Variants in TK2 observed in about 807,000 individuals in gnomAD.
The protein encoded by TK2 is thymidine kinase 2, mitochondrial.
A neutral mutation model predicts 41.9 loss-of-function variants in TK2; 35 were observed. The ratio of observed to expected loss-of-function variants is 0.84; its 90% CI spans 0.64 to 1.11. TK2 has a LOEUF of 1.11. Ranked by LOEUF, TK2 falls within the 50% of genes least tolerant of loss-of-function variation. TK2 has a pLI of 0.00. For missense variants in TK2, 320 were observed against 351.1 expected (o/e 0.91, Z 0.71); for synonymous variants, 128 against 129.1 (o/e 0.99, Z 0.06).
chr16:66,545,653 G>A (rs1030863600), intron 2 of TK2, among the ~76,000 whole-genome samples: 4 of 152,022 alleles, frequency 2.6e-5, no homozygotes, highest in African/African-American at 7.2e-5. Context: ...GTGAAACCCC[G>A]ACTCTACTAA....
chr16:66,520,617 G>A (rs1964752718), intron 6 of TK2, among the ~76,000 whole-genome samples: 1 of 152,226 alleles, frequency 6.6e-6, no homozygotes, highest in African/African-American at 2.4e-5. Flanking sequence ...ACCAGCGAGT[G>A]AGAAGCCCAA....
intron 6 of TK2, among the ~76,000 whole-genome samples, chr16:66,521,246 G>A (rs1964770877): frequency 6.6e-6 from 1 of 152,220 alleles, no homozygotes; most frequent in Admixed American, 6.5e-5. Context: ...TCTGCACATG[G>A]AGACATGGGG....
chr16:66,521,869 A>T (rs1244966219), intron 6 of TK2, among the ~76,000 whole-genome samples: 1 of 152,192 alleles, frequency 6.6e-6, no homozygotes. Context: ...GGGCAAAACC[A>T]AGGTCTTGAT....
In TK2 at chr16:66,508,908, TCA is replaced by T. The variant is rs1280146670; in HGVS notation, c.*3058_*3059del. On this transcript the variant is annotated 3_prime_UTR_variant, in exon 10 of 10. Coordinates refer to ENST00000544898, the MANE Select transcript of TK2 (RefSeq NM_004614.5). ...AACAAGGATGAGGTGGTTTCATTCC[TCA>T]CAGAGTTAGGCCTTGCAAGGGACAT... 6.6e-6 allele frequency: 1 copy of T among 152,252 alleles called. No homozygotes were observed. The allele number at this position is 152,252 out of a possible 1,614,324, so 9.4% of individuals were successfully genotyped here. A position where few individuals can be genotyped will look rare whatever the true frequency, so the allele number is the denominator to read the frequency against.
Position 66,511,205 on chromosome 16 carries a change from G to A in TK2, c.*763C>T, listed in dbSNP as rs1470403937. ...CTGAGCACCCTTCAGGAGCCAGCAT[G>A]TGAATCTCAATGTCCACATGAAGAT... is the stretch of plus-strand genomic sequence containing the variant. On this transcript the variant is annotated 3_prime_UTR_variant, in exon 10 of 10. Coordinates refer to ENST00000544898, the MANE Select transcript of TK2 (RefSeq NM_004614.5). The A allele has an allele frequency of 6.5e-6, 1 of 153,228 alleles. No homozygotes were observed. Among genetic ancestry groups the A allele is most frequent in the African/African-American group, 2.4e-5 (1 of 41,448 alleles). 9.5% of individuals were successfully genotyped at this position (153,228 alleles called of 1,614,324 possible). A position where few individuals can be genotyped will look rare whatever the true frequency, so the allele number is the denominator to read the frequency against.
In TK2 at chr16:66,550,058, G is replaced by A. The variant is rs1965747536; in HGVS notation, c.4C>T (p.Leu2=). ...GCCCAGCCCCGCAGCGGCCACAGCA[G>A]CATAGCCGGGCGAGCGGATCCAGAG... M[L]LWPLRGWAAR... is the part of the protein sequence containing the mutation. The change falls in exon 1 of 10, where the codon CTG becomes TTG. Residue 2 remains leucine (L), a synonymous_variant. Coordinates refer to ENST00000544898, the MANE Select transcript of TK2 (RefSeq NM_004614.5). 4 of 1,581,040 alleles carry A rather than the reference G, an allele frequency of 2.5e-6. No homozygotes were observed. The highest frequency in any genetic ancestry group is 3.4e-6 in the Non-Finnish European group (4 of 1,165,252).
At chr16:66,515,770 T>C (rs776696650) in intron 8 of TK2, among the ~76,000 whole-genome samples, 4 of 152,206 alleles carry the variant, frequency 2.6e-5, no homozygotes, top group Non-Finnish European at 5.9e-5. Context: ...TCCATCTTCC[T>C]AGCATTCTTG....
chr16:66,513,357 T>C (rs529552021), intron 9 of TK2, among the ~76,000 whole-genome samples: 5 of 152,070 alleles, frequency 3.3e-5, no homozygotes, highest in East Asian at 1.9e-4. Flanking sequence ...ATGACCTGAG[T>C]CACCAAACAA....
intron 6 of TK2, among the ~76,000 whole-genome samples, chr16:66,519,607 TG>T (rs1433187017): frequency 6.6e-6 from 1 of 152,136 alleles, no homozygotes; most frequent in African/African-American, 2.4e-5. Context: ...TCCTGTGCCC[TG>T]GGAGGAAATG....
chr16:66,521,751 T>A (rs1382268609), intron 6 of TK2, among the ~76,000 whole-genome samples: 1 of 152,122 alleles, frequency 6.6e-6, no homozygotes, highest in Non-Finnish European at 1.5e-5. Flanking sequence ...CTGCCTTTAT[T>A]TCTACAGAAT....
chr16:66,547,530 C>T (rs955293513), intron 2 of TK2, among the ~76,000 whole-genome samples: 5 of 152,164 alleles, frequency 3.3e-5, no homozygotes, highest in Admixed American at 6.5e-5. Context: ...TCCAACACTC[C>T]TGCCTCAAAC....
intron 6 of TK2, among the ~76,000 whole-genome samples, chr16:66,524,683 GACCAGTAGGAGTATGGTCCCACCTGGGC>G (rs1964878403): frequency 6.6e-6 from 1 of 152,136 alleles, no homozygotes; most frequent in Non-Finnish European, 1.5e-5. Context: ...TGTGATCCCC[GACCAGTAGGAGTATGGTCCCACCTGGGC>G]ACCTGCTAGA....
Position 66,514,008 on chromosome 16 carries a change from A to G in TK2, c.619-197T>C, listed in dbSNP as rs1264166697. On this transcript the variant is annotated intron_variant, in intron 8 of 9. Coordinates refer to ENST00000544898, the MANE Select transcript of TK2 (RefSeq NM_004614.5). The surrounding 1 kb of genome is among the most constrained non-coding windows in gnomAD (Gnocchi z 4.2). Reference sequence around the variant, plus strand: ...ACTCGGTGGCCAGGCTGAGCAAAACAGCACAAGTGTCACCAGCCACCCTGC... The same window carrying G: ...ACTCGGTGGCCAGGCTGAGCAAAACGGCACAAGTGTCACCAGCCACCCTGC... 2 of 669,932 alleles carry G rather than the reference A, an allele frequency of 3.0e-6. No individual in the cohort carries two copies. The highest frequency in any genetic ancestry group is 1.8e-5 in the African/African-American group (1 of 56,476). 41.5% of individuals were successfully genotyped at this position (669,932 alleles called of 1,614,324 possible).
intron 2 of TK2, 41 bp downstream of exon 2, chr16:66,548,937 A>C (rs759802240): frequency 8.1e-6 from 13 of 1,598,738 alleles, no homozygotes; most frequent in Non-Finnish European, 1.1e-5. Context: ...TCTTCAAAAA[A>C]CCAAATTATC....
intron 8 of TK2, among the ~76,000 whole-genome samples, chr16:66,516,527 G>A (rs895534749): frequency 3.3e-5 from 5 of 152,166 alleles, no homozygotes; most frequent in African/African-American, 9.7e-5. Flanking sequence ...TCAGCCGGGC[G>A]GCAGCCTGGA....
At chr16:66,541,366 T>C (rs1965449773) in intron 3 of TK2, among the ~76,000 whole-genome samples, 1 of 152,258 alleles carries the variant, frequency 6.6e-6, no homozygotes, top group African/African-American at 2.4e-5. Context: ...TGATTAAATG[T>C]TGACATGATC....
At chr16:66,530,013 T>C (rs1965060220) in intron 5 of TK2, among the ~76,000 whole-genome samples, 1 of 152,216 alleles carries the variant, frequency 6.6e-6, no homozygotes, top group African/African-American at 2.4e-5. Context: ...TCAAATATCA[T>C]TAGATACAAC....
chr16:66,517,699 A>T lies in TK2; in HGVS notation c.538+90T>A. The stretch of plus-strand genomic sequence containing the variant: ...ACTGCCAAGGGCAAGTGCCTCACCC[A>T]CTGCCCCCAAGGGTTGGGGCCCAGC... On this transcript the variant is annotated intron_variant, in intron 7 of 9. Transcript: ENST00000544898. This position sits in a 1 kb window ranked among gnomAD's most constrained non-coding sequence, Gnocchi z 4.3. 8.1e-7 allele frequency: 1 copy of T among 1,232,748 alleles called. No individual in the cohort carries two copies. Among genetic ancestry groups the T allele is most frequent in the Non-Finnish European group, 1.2e-6 (1 of 832,902 alleles). 76.4% of individuals were successfully genotyped at this position (1,232,748 alleles called of 1,614,324 possible).
At chr16:66,544,464 G>A (rs1017141218) in intron 2 of TK2, among the ~76,000 whole-genome samples, 2 of 152,130 alleles carry the variant, frequency 1.3e-5, no homozygotes, top group African/African-American at 2.4e-5. Flanking sequence ...CTTTGAGCAC[G>A]TTTCAACTGT....
Sources: gnomAD v4.1 joint callset for allele counts (sites outside exome capture counted in the v4.1 genomes callset) on GRCh38, gnomAD v4.1.1 for gene constraint, Gnocchi (gnomAD v3.1) non-coding constraint, MANE v1.5 for transcripts, NCBI Gene and HGNC (gene_info 2026-07-23, HGNC 2026-07-21) for gene names.